Variants in EDARADD observed in about 807,000 individuals in gnomAD.
EDARADD encodes EDAR associated via death domain.
In EDARADD, 20 loss-of-function variants were observed where a neutral mutation model predicts 25.6. The ratio of observed to expected loss-of-function variants is 0.78; its 90% CI spans 0.55 to 1.14. The LOEUF is 1.14. Ranked by LOEUF, EDARADD falls within the 50% of genes most tolerant of loss-of-function variation. The probability of loss-of-function intolerance (pLI) is 0.00; values close to 1 mark genes in which losing one functional copy is unlikely to be tolerated. For missense variants in EDARADD, 225 were observed against 270.1 expected, an observed-to-expected ratio of 0.83 and a Z score of 1.17; for synonymous variants, 86 against 94.4, an observed-to-expected ratio of 0.91 and a Z score of 0.52.
At chr1:236,402,377 G>C (rs1049951496) in intron 1 of EDARADD, among the ~76,000 whole-genome samples, 1 of 151,996 alleles carries the variant, frequency 6.6e-6, no homozygotes, top group Non-Finnish European at 1.5e-5. Context: ...GGGTAACATA[G>C]TGAGACCCCC....
rs1170622280 is a variant in EDARADD, at chr1:236,431,927, C to CAAAAAAAAAAA, written c.219+4492_219+4502dup. On this transcript the variant is annotated intron_variant, in intron 4 of 5. Transcript: ENST00000334232. ...TGGGCGACAGAGCGAGACTCCGTCT[C>CAAAAAAAAAAA]AAAAAAAAAAAAAAAAAAAAAAAAA... Among the ~76,000 whole-genome samples the CAAAAAAAAAAA allele has an allele frequency of 3.2e-3, 58 of 17,988 alleles. 3 individuals are homozygous for CAAAAAAAAAAA. The highest frequency in any genetic ancestry group is 5.2e-3 in the African/African-American group (57 of 10,914). 11.8% of individuals were successfully genotyped at this position (17,988 alleles called of 152,430 possible). A position where few individuals can be genotyped will look rare whatever the true frequency, so the allele number is the denominator to read the frequency against.
chr1:236,406,483 G>GT (rs1667741580), intron 1 of EDARADD, among the ~76,000 whole-genome samples: 1 of 152,060 alleles, frequency 6.6e-6, no homozygotes, highest in African/African-American at 2.4e-5. Flanking sequence ...GGGCTGTTTG[G>GT]TACAGCCCAT....
intron 3 of EDARADD, 89 bp from the exon 4 acceptor site, chr1:236,427,303 G>A (rs1657946162): frequency 1.5e-6 from 2 of 1,336,726 alleles, no homozygotes; most frequent in Non-Finnish European, 2.1e-6. Context: ...ATGTGACACT[G>A]AACCTTAATT....
At chr1:236,383,978 G>A (rs1667327595) in intron 3 of EDARADD, among the ~76,000 whole-genome samples, 1 of 152,072 alleles carries the variant, frequency 6.6e-6, no homozygotes, top group African/African-American at 2.4e-5. Context: ...ACTCTAGCCT[G>A]GGTGACAGAG....
At position 236,395,350 on chromosome 1, in the gene EDARADD, A is replaced by T; in HGVS notation, c.61+845A>T. 7.5e-7 allele frequency: 1 copy of T among 1,325,652 alleles called. No homozygotes were observed. The highest frequency in any genetic ancestry group is 9.6e-7 in the Non-Finnish European group (1 of 1,036,386). The allele number at this position is 1,325,652 out of a possible 1,614,324, so 82.1% of individuals were successfully genotyped here. A position where few individuals can be genotyped will look rare whatever the true frequency, so the allele number is the denominator to read the frequency against. On this transcript the variant is annotated intron_variant, in intron 1 of 5. Transcript: ENST00000334232. This position sits in a 1 kb window ranked among gnomAD's most constrained non-coding sequence, Gnocchi z 6.9. ...TTGCGTCCCAGCCCCGGGTCGCGGC[A>T]CCCCGGCTCCCGCCCCGCGCCTCTG...
chr1:236,458,228 A>G (rs574415726), intron 4 of EDARADD, among the ~76,000 whole-genome samples: 1 of 152,386 alleles, frequency 6.6e-6, no homozygotes, highest in South Asian at 2.1e-4. Flanking sequence ...ACAGTGCGGC[A>G]TTCAAAATAG....
chr1:236,416,409 T>A (rs596222), intron 3 of EDARADD, among the ~76,000 whole-genome samples: 68,065 of 152,094 alleles, frequency 0.45, 17,511 homozygotes, highest in Non-Finnish European at 0.59. Context: ...AATGTCGTGG[T>A]GCCATCAGGC....
chr1:236,378,980 T>C (rs1048186525), intron 3 of EDARADD, among the ~76,000 whole-genome samples: 1 of 151,972 alleles, frequency 6.6e-6, no homozygotes, highest in African/African-American at 2.4e-5. Context: ...GAGAGAGGGA[T>C]AAAAATTATT....
intron 1 of EDARADD, among the ~76,000 whole-genome samples, chr1:236,404,258 G>C (rs865825180): frequency 6.6e-6 from 1 of 152,136 alleles, no homozygotes; most frequent in East Asian, 1.9e-4. Flanking sequence ...TAATAGTATC[G>C]TAAACATGCA....
chr1:236,350,162 G>T (rs1337209179), intron 2 of EDARADD, among the ~76,000 whole-genome samples: 1 of 152,298 alleles, frequency 6.6e-6, no homozygotes, highest in African/African-American at 2.4e-5. Context: ...ATTCTCTGTA[G>T]ATGTGGATTT....
intron 4 of EDARADD, among the ~76,000 whole-genome samples, chr1:236,452,959 G>C (rs1179186065): frequency 1.3e-5 from 2 of 152,138 alleles, no homozygotes; most frequent in East Asian, 1.9e-4. Flanking sequence ...CTATTTCACT[G>C]TTCTAAATGC....
intron 5 of EDARADD, among the ~76,000 whole-genome samples, chr1:236,469,488 A>AAAC (rs1553270748): frequency 5.9e-5 from 9 of 151,850 alleles, no homozygotes; most frequent in South Asian, 2.1e-4. Context: ...AATGCTAGCA[A>AAAC]AATAATAATA....
intron 4 of EDARADD, among the ~76,000 whole-genome samples, chr1:236,462,405 G>A (rs532249676): frequency 1.3e-5 from 2 of 152,012 alleles, no homozygotes; most frequent in African/African-American, 4.8e-5. Context: ...TTTTGGGTTG[G>A]TCTATTGGGG....
intron 4 of EDARADD, among the ~76,000 whole-genome samples, chr1:236,436,141 T>C (rs1312754492): frequency 6.9e-6 from 1 of 145,168 alleles, no homozygotes; most frequent in Non-Finnish European, 1.5e-5. Flanking sequence ...CCATCTCTAT[T>C]AAAAAAAAAA....
At chr1:236,397,769 G>T (rs373371937) in intron 1 of EDARADD, among the ~76,000 whole-genome samples, 5 of 152,240 alleles carry the variant, frequency 3.3e-5, no homozygotes, top group Admixed American at 6.5e-5. Context: ...TCTGAAAGAT[G>T]ATCCAAATGT....
chr1:236,349,266 G>C (rs548697635), intron 2 of EDARADD, among the ~76,000 whole-genome samples: 1 of 132,962 alleles, frequency 7.5e-6, no homozygotes, highest in Non-Finnish European at 1.6e-5. Context: ...CATCTCCCGG[G>C]TTCAAAGCGA....
chr1:236,475,164 A>C (rs556713755), intron 5 of EDARADD, among the ~76,000 whole-genome samples: 125 of 151,956 alleles, frequency 8.2e-4, no homozygotes, highest in African/African-American at 2.9e-3. Flanking sequence ...ACAAAAAAAA[A>C]CCCAACAAAT....
chr1:236,442,180 C>T (rs1386325571), intron 4 of EDARADD, among the ~76,000 whole-genome samples: 1 of 151,202 alleles, frequency 6.6e-6, no homozygotes, highest in African/African-American at 2.4e-5. Context: ...GACTGGAGTG[C>T]AGGGGCACCA....
At chr1:236,403,799 G>A (rs1301535521) in intron 1 of EDARADD, among the ~76,000 whole-genome samples, 1 of 152,200 alleles carries the variant, frequency 6.6e-6, no homozygotes, top group East Asian at 1.9e-4. Context: ...CAGCCTCTGT[G>A]AGCCAGGCCA....
Sources: allele counts gnomAD v4.1 joint callset (sites outside exome capture counted in the v4.1 genomes callset), GRCh38; gene constraint gnomAD v4.1.1; non-coding constraint Gnocchi (gnomAD v3.1); transcripts MANE v1.5; gene names NCBI Gene and HGNC (gene_info 2026-07-23, HGNC 2026-07-21).